Variants in IMPG1 observed in about 807,000 individuals in gnomAD.
IMPG1 encodes the protein interphotoreceptor matrix proteoglycan 1, also known as interphotoreceptor matrix proteoglycan of 150 kDa.
IMPG1 carries 85 observed loss-of-function variants against 92.0 expected under a neutral mutation model. The ratio of observed to expected loss-of-function variants is 0.92; its 90% CI spans 0.78 to 1.11. The LOEUF (loss-of-function observed/expected upper bound fraction) is 1.11. Ranked by LOEUF, IMPG1 falls within the 50% of genes least tolerant of loss-of-function variation. The pLI, the probability that IMPG1 is intolerant of heterozygous loss-of-function variation, is 0.00. For synonymous variants in IMPG1, 367 were observed against 334.1 expected (o/e 1.10, Z -1.08); for missense variants, 1,022 against 956.0 (o/e 1.07, Z -0.91).
At chr6:76,003,241 C>G (rs1783031854) in intron 11 of IMPG1, among the ~76,000 whole-genome samples, 1 of 152,156 alleles carries the variant, frequency 6.6e-6, no homozygotes, top group Admixed American at 6.5e-5. Flanking sequence ...ATAGACTTAA[C>G]TAACAGCTAA....
At chr6:76,069,443 C>CA (rs1285059143) in intron 1 of IMPG1, among the ~76,000 whole-genome samples, 2 of 152,046 alleles carry the variant, frequency 1.3e-5, no homozygotes, top group African/African-American at 4.8e-5. Flanking sequence ...AGATATCACA[C>CA]AAAATGGAAG....
chr6:76,005,493 C>T lies in IMPG1; in HGVS notation c.929G>A (p.Arg310Lys). The T allele has an allele frequency of 6.2e-7, 1 of 1,613,934 alleles. No homozygotes were observed. Among genetic ancestry groups the T allele is most frequent in the Non-Finnish European group, 8.5e-7 (1 of 1,179,928 alleles). ...AGGGCTTTTTGCTTCTGCACTGTGT[C>T]TCTTAAAGATGGCCGTAAGTTGCAT... ...TEMQLTAIFK[R>K]HSAEAKSPAS... The change falls in exon 10 of 17, where the codon AGA becomes AAA. Residue 310 changes from arginine (R) to lysine (K), a missense_variant. Transcript: ENST00000369950.
chr6:76,024,261 C>T (rs1369864492), intron 5 of IMPG1, among the ~76,000 whole-genome samples: 1 of 152,118 alleles, frequency 6.6e-6, no homozygotes, highest in Non-Finnish European at 1.5e-5. Flanking sequence ...TTACAAATAT[C>T]TATTTTCTCA....
intron 12 of IMPG1, among the ~76,000 whole-genome samples, chr6:75,989,577 T>C (rs1010847039): frequency 1.3e-5 from 2 of 152,226 alleles, no homozygotes; most frequent in Non-Finnish European, 2.9e-5. Context: ...GTATGGTGGC[T>C]CACACCTGTA....
At chr6:76,010,801 A>T (rs1783170437) in intron 8 of IMPG1, among the ~76,000 whole-genome samples, 2 of 152,190 alleles carry the variant, frequency 1.3e-5, no homozygotes, top group African/African-American at 2.4e-5. Flanking sequence ...AGGCAATCAG[A>T]CACCTGGTTA....
chr6:75,933,975 G>A (rs900051978), intron 14 of IMPG1, among the ~76,000 whole-genome samples: 23 of 152,308 alleles, frequency 1.5e-4, no homozygotes, highest in African/African-American at 5.3e-4. Context: ...ATTCATATCT[G>A]TTTACAATGT....
chr6:76,046,657 A>G (rs576847392), intron 1 of IMPG1, among the ~76,000 whole-genome samples: 1 of 152,298 alleles, frequency 6.6e-6, no homozygotes, highest in East Asian at 1.9e-4. Context: ...TTGACATCCA[A>G]GTACATCCTG....
chr6:75,925,833 T>G (rs1029847540), intron 15 of IMPG1, among the ~76,000 whole-genome samples: 1 of 152,020 alleles, frequency 6.6e-6, no homozygotes, highest in African/African-American at 2.4e-5. Context: ...GCCCAGTTAA[T>G]TTTTGTATTT....
At chr6:76,002,838 G>C (rs1783020115) in intron 12 of IMPG1, 80 bp downstream of exon 12, 1 of 1,092,774 alleles carries the variant, frequency 9.2e-7, no homozygotes, top group African/African-American at 1.5e-5. Flanking sequence ...CTTTGTCACT[G>C]GTCTTTGAGG....
rs1437306251 is a variant in IMPG1, at chr6:75,925,063, GT to G, written c.2244-1358del. ...ATAAGTTCTGGTGTCCTATTGCACA[GT>G]AGGATGACTGTAGTTGTATATTTCA... On this transcript the variant is annotated intron_variant, in intron 15 of 16. Coordinates refer to ENST00000369950, the MANE Select transcript of IMPG1 (RefSeq NM_001563.4). Among the ~76,000 whole-genome samples, 8 of 151,846 alleles carry G rather than the reference GT, an allele frequency of 5.3e-5. No individual in the cohort carries two copies. The East Asian group carries it at 1.6e-3, about 30-fold the overall frequency.
intron 1 of IMPG1, among the ~76,000 whole-genome samples, chr6:76,050,704 C>T (rs532406164): frequency 1.8e-4 from 27 of 152,246 alleles, no homozygotes; most frequent in African/African-American, 6.0e-4. Flanking sequence ...CAGCTTTGCC[C>T]ACAAGTCATT....
chr6:76,050,058 C>G (rs1319730484), intron 1 of IMPG1, among the ~76,000 whole-genome samples: 1 of 152,132 alleles, frequency 6.6e-6, no homozygotes, highest in East Asian at 1.9e-4. Context: ...TCAAACATTA[C>G]TTTATCCTAA....
At chr6:75,954,299 G>A (rs531837856) in intron 12 of IMPG1, among the ~76,000 whole-genome samples, 2 of 152,200 alleles carry the variant, frequency 1.3e-5, no homozygotes, top group African/African-American at 4.8e-5. Flanking sequence ...TTTAATGATC[G>A]TCATTCTAAC....
intron 15 of IMPG1, among the ~76,000 whole-genome samples, chr6:75,924,549 A>AT (rs1781494941): frequency 2.0e-4 from 9 of 44,304 alleles, no homozygotes; most frequent in African/African-American, 6.5e-4. Flanking sequence ...TATATAATAT[A>AT]ATTAATATAA....
chr6:75,972,024 A>C (rs1298145240), intron 12 of IMPG1, among the ~76,000 whole-genome samples: 1 of 152,178 alleles, frequency 6.6e-6, no homozygotes, highest in African/African-American at 2.4e-5. Flanking sequence ...ATTGCATGAC[A>C]GCTGTAATTT....
chr6:76,050,794 T>C (rs1411955388), intron 1 of IMPG1, among the ~76,000 whole-genome samples: 4 of 152,148 alleles, frequency 2.6e-5, no homozygotes, highest in African/African-American at 9.7e-5. Context: ...TAGAGGAAAT[T>C]TTTTTTAGCT....
chr6:76,048,067 A>T (rs781411405), intron 1 of IMPG1, among the ~76,000 whole-genome samples: 7 of 152,138 alleles, frequency 4.6e-5, no homozygotes, highest in Non-Finnish European at 7.4e-5. Flanking sequence ...ATCAATGAGG[A>T]AGACTATCAT....
At chr6:75,995,618 T>C (rs550420851) in intron 12 of IMPG1, among the ~76,000 whole-genome samples, 1 of 152,388 alleles carries the variant, frequency 6.6e-6, no homozygotes, top group African/African-American at 2.4e-5. Context: ...TAAGGAATAC[T>C]GTGTATTTTA....
At chr6:76,001,033 C>G (rs981712154) in intron 12 of IMPG1, among the ~76,000 whole-genome samples, 7 of 152,218 alleles carry the variant, frequency 4.6e-5, no homozygotes, top group African/African-American at 1.7e-4. Flanking sequence ...CTTCACATTT[C>G]TAGCCTTGGC....
Sources: allele counts gnomAD v4.1 joint callset (sites outside exome capture counted in the v4.1 genomes callset), GRCh38; gene constraint gnomAD v4.1.1; transcripts MANE v1.5; gene names NCBI Gene and HGNC (gene_info 2026-07-23, HGNC 2026-07-21).